PCDH17: variants seen among roughly 807,000 people sequenced by gnomAD.
PCDH17 encodes the protein protocadherin 17, also known as protocadherin-17.
A neutral mutation model predicts 67.7 loss-of-function variants in PCDH17; 21 were observed. The observed-to-expected ratio is 0.31, with a 90% CI of 0.22 to 0.45. The LOEUF is 0.45. Among genes scored for constraint, PCDH17 ranks in the 20% least tolerant of loss-of-function variants. PCDH17 has a pLI of 1.00. For missense variants in PCDH17, 1,471 were observed against 1,564.8 expected (o/e 0.94, Z 1.01); for synonymous variants, 701 against 656.7 (o/e 1.07, Z -1.03).
chr13:57,666,577 A>G (rs1955258082), intron 2 of PCDH17, 51 bp downstream of exon 2: 1 of 1,608,396 alleles, frequency 6.2e-7, no homozygotes, highest in Admixed American at 1.7e-5. Flanking sequence ...CATTCGTGTC[A>G]AAATTGCTTT....
At chr13:57,678,190 A>G (rs192653349) in intron 3 of PCDH17, among the ~76,000 whole-genome samples, 20 of 151,674 alleles carry the variant, frequency 1.3e-4, no homozygotes, top group Non-Finnish European at 1.0e-4. Context: ...TATATGATAA[A>G]TAGGTTTTTT....
At chr13:57,698,017 G>T in intron 3 of PCDH17, among the ~76,000 whole-genome samples, 1 of 151,490 alleles carries the variant, frequency 6.6e-6, no homozygotes, top group Non-Finnish European at 1.5e-5. Flanking sequence ...CAGCAGTGGG[G>T]CATCTGAATT....
intron 3 of PCDH17, among the ~76,000 whole-genome samples, chr13:57,711,106 A>G (rs1440825593): frequency 6.6e-6 from 1 of 151,996 alleles, no homozygotes; most frequent in African/African-American, 2.4e-5. Flanking sequence ...TTCATTCAGC[A>G]AAAATTAAAT....
chr13:57,645,976 T>A (rs1954960854), intron 1 of PCDH17, among the ~76,000 whole-genome samples: 1 of 151,600 alleles, frequency 6.6e-6, no homozygotes, highest in African/African-American at 2.4e-5. Flanking sequence ...AGTATAAATA[T>A]TTATTTTCTA....
intron 3 of PCDH17, among the ~76,000 whole-genome samples, chr13:57,708,065 C>T (rs745451625): frequency 2.6e-5 from 4 of 151,956 alleles, no homozygotes; most frequent in Non-Finnish European, 5.9e-5. Flanking sequence ...TGGATGAGAT[C>T]AATTTTTCTG....
chr13:57,696,822 A>C (rs1314778144), intron 3 of PCDH17, among the ~76,000 whole-genome samples: 1 of 151,516 alleles, frequency 6.6e-6, no homozygotes. Flanking sequence ...TCTAAATGGC[A>C]GTGAAATTGC....
At position 57,725,152 on chromosome 13, in the gene PCDH17, A is replaced by T; in HGVS notation, c.3338A>T (p.Glu1113Val). ...TCCAGAGCCAGCCGGGATTCCAGTG[A>T]GATGGGTGCTGTTCTTGAGCAGCTT... ...VHSRASRDSS[E>V]MGAVLEQLDH... Residue 1113 changes from glutamate (E) to valine (V), a missense_variant, in exon 4 of 4, where the codon GAG (glutamate) becomes GTG (valine). By Grantham distance (121) the Glu-to-Val change is moderately radical. Transcript: ENST00000377918. 6.2e-7 allele frequency: 1 copy of T among 1,614,172 alleles called. No homozygotes were observed. Among genetic ancestry groups the T allele is most frequent in the Non-Finnish European group, 8.5e-7 (1 of 1,180,012 alleles).
At chr13:57,703,263 G>T (rs1041081482) in intron 3 of PCDH17, among the ~76,000 whole-genome samples, 2 of 152,092 alleles carry the variant, frequency 1.3e-5, no homozygotes, top group African/African-American at 4.8e-5. Flanking sequence ...GATATGAACT[G>T]CTTGGCATTC....
At position 57,633,727 on chromosome 13, in the gene PCDH17, G is replaced by T. The variant is rs1340513194; in HGVS notation, c.1181G>T (p.Gly394Val). The change falls in exon 1 of 4, where the codon GGA becomes GTA. Residue 394 changes from glycine to valine, a missense_variant. This residue lies in a region of PCDH17 where 1,163 missense variants were observed against 1,230.0 expected (regional missense o/e 0.95). Coordinates refer to ENST00000377918, the MANE Select transcript of PCDH17 (RefSeq NM_001040429.3). The surrounding 1 kb of genome is among the most constrained non-coding windows in gnomAD (Gnocchi z 6.2). ...NGQLQCRVLG[G>V]GGTGGGGGLG... ...CAGCTGCAGTGTCGGGTCCTAGGCG[G>T]AGGAGGGACGGGCGGCGGCGGGGGC... 2.5e-6 allele frequency: 4 copies of T among 1,599,280 alleles called. No individual in the cohort carries two copies.
In PCDH17 at chr13:57,633,102, C is replaced by G. The variant is rs759765507; in HGVS notation, c.556C>G (p.Arg186Gly). The change falls in exon 1 of 4, where the codon CGC becomes GGC. Residue 186 changes from arginine (R) to glycine (G), a missense_variant. By Grantham distance (125) the Arg-to-Gly change is moderately radical. This residue lies in a region of PCDH17 where 1,163 missense variants were observed against 1,230.0 expected (regional missense o/e 0.95). Transcript: ENST00000377918. This position sits in a 1 kb window ranked among gnomAD's most constrained non-coding sequence, Gnocchi z 6.2. Reference protein sequence around the residue: ...HGLFGLDVKSRGDGTKFPELV... With the variant: ...HGLFGLDVKSGGDGTKFPELV... ...CCTCTTTGGACTGGACGTTAAGTCC[C>G]GCGGCGACGGCACCAAGTTCCCAGA... 7 of 1,613,292 alleles carry G rather than the reference C, an allele frequency of 4.3e-6. No individual in the cohort carries two copies. The highest frequency in any genetic ancestry group is 4.5e-5 in the East Asian group (2 of 44,842).
intron 3 of PCDH17, among the ~76,000 whole-genome samples, chr13:57,717,337 C>G (rs1955826893): frequency 6.6e-6 from 1 of 151,958 alleles, no homozygotes; most frequent in African/African-American, 2.4e-5. Context: ...ACTTCCATAT[C>G]AAATACTGTT....
chr13:57,673,923 G>A (rs146844034), intron 3 of PCDH17, among the ~76,000 whole-genome samples: 4 of 151,936 alleles, frequency 2.6e-5, no homozygotes, highest in East Asian at 2.0e-4. Context: ...TTCCCAAATT[G>A]TATGCAGCTT....
At chr13:57,683,195 G>A (rs1392826924) in intron 3 of PCDH17, among the ~76,000 whole-genome samples, 1 of 151,768 alleles carries the variant, frequency 6.6e-6, no homozygotes, top group African/African-American at 2.4e-5. Flanking sequence ...GGAGTCATGG[G>A]GATGATTGTA....
chr13:57,725,026 A>G lies in PCDH17; in HGVS notation c.3212A>G (p.Tyr1071Cys), dbSNP rs1435857115. ...PGALAEASSQ[Y>C]LPTDSQYLSP... ...GCCCTGGCTGAAGCAAGCAGTCAGTACTTGCCCACTGACAGTCAATATCTG... is the reference window on the plus strand; with the variant it reads ...GCCCTGGCTGAAGCAAGCAGTCAGTGCTTGCCCACTGACAGTCAATATCTG... The change falls in exon 4 of 4, where the codon TAC becomes TGC. Residue 1071 changes from tyrosine to cysteine, a missense_variant. Tyr to Cys is a radical substitution (Grantham distance 194). This residue lies in a region of PCDH17 where 297 missense variants were observed against 298.6 expected (regional missense o/e 0.99). Transcript: ENST00000377918. 1 of 1,614,038 alleles carries G rather than the reference A, an allele frequency of 6.2e-7. No homozygotes were observed. Among genetic ancestry groups the G allele is most frequent in the African/African-American group, 1.3e-5 (1 of 74,936 alleles).
intron 3 of PCDH17, among the ~76,000 whole-genome samples, chr13:57,715,204 A>G (rs942847817): frequency 7.2e-5 from 11 of 151,834 alleles, no homozygotes; most frequent in African/African-American, 2.2e-4. Flanking sequence ...ATAGACAGCT[A>G]TTATGTACAA....
intron 3 of PCDH17, among the ~76,000 whole-genome samples, chr13:57,703,531 T>C (rs1955688413): frequency 6.6e-6 from 1 of 152,148 alleles, no homozygotes; most frequent in Non-Finnish European, 1.5e-5. Flanking sequence ...AAACTAGCTC[T>C]TTTTCTCCTG....
chr13:57,682,945 T>C (rs1388527610), intron 3 of PCDH17, among the ~76,000 whole-genome samples: 2 of 151,880 alleles, frequency 1.3e-5, no homozygotes, highest in Non-Finnish European at 2.9e-5. Flanking sequence ...TGTACACTTA[T>C]CTAACTTACC....
intron 1 of PCDH17, among the ~76,000 whole-genome samples, chr13:57,651,364 T>G (rs1177274347): frequency 1.4e-5 from 2 of 147,988 alleles, no homozygotes; most frequent in Non-Finnish European, 3.0e-5. Flanking sequence ...AGGTTTTTTT[T>G]TTTTTTTTTT....
intron 3 of PCDH17, among the ~76,000 whole-genome samples, chr13:57,702,109 G>A (rs544821350): frequency 2.0e-5 from 3 of 152,028 alleles, no homozygotes; most frequent in African/African-American, 7.2e-5. Context: ...GTAGAGACGG[G>A]GTTTCATCAT....
Sources: allele counts gnomAD v4.1 joint callset (sites outside exome capture counted in the v4.1 genomes callset), GRCh38; gene constraint gnomAD v4.1.1; regional missense constraint gnomAD v4.1.1; non-coding constraint Gnocchi (gnomAD v3.1); transcripts MANE v1.5; gene names NCBI Gene and HGNC (gene_info 2026-07-23, HGNC 2026-07-21).